Variants in ZNF169 observed in about 807,000 individuals in gnomAD.
ZNF169 encodes zinc finger protein 169.
ZNF169 carries 11 observed loss-of-function variants against 12.0 expected under a neutral mutation model. That is an observed-to-expected ratio of 0.92 (90% confidence interval 0.58 to 1.52). The LOEUF is 1.52. Among genes scored for constraint, ZNF169 ranks in the 40% most tolerant of loss-of-function variants. The probability of loss-of-function intolerance (pLI) is 0.00; values close to 1 mark genes in which losing one functional copy is unlikely to be tolerated. For synonymous variants in ZNF169, 302 were observed against 286.5 expected (o/e 1.05, Z -0.55); for missense variants, 722 against 744.0 (o/e 0.97, Z 0.34).
At chr9:94,278,683 T>C in intron 1 of ZNF169, 75 bp from the exon 2 acceptor site, 1 of 790,352 alleles carries the variant, frequency 1.3e-6, no homozygotes, top group Non-Finnish European at 2.1e-6. Flanking sequence ...TACTCCCTAC[T>C]GAATTGGGAG....
chr9:94,282,494 G>A (rs1220288707), intron 2 of ZNF169, among the ~76,000 whole-genome samples: 1 of 152,208 alleles, frequency 6.6e-6, no homozygotes, highest in Non-Finnish European at 1.5e-5. Context: ...AGATACGTGA[G>A]AGGGACAGTT....
chr9:94,273,584 T>C (rs1461375410), intron 1 of ZNF169, among the ~76,000 whole-genome samples: 2 of 145,754 alleles, frequency 1.4e-5, no homozygotes, highest in African/African-American at 2.5e-5. Flanking sequence ...TCTTTCTTTT[T>C]TTTTTTTTTT....
At chr9:94,289,392 C>T (rs902241174) in intron 2 of ZNF169, among the ~76,000 whole-genome samples, 10 of 152,062 alleles carry the variant, frequency 6.6e-5, no homozygotes, top group African/African-American at 2.4e-4. Flanking sequence ...GAGTGAGATC[C>T]TGCCTCATAA....
At chr9:94,261,304 T>G (rs796624382) in intron 1 of ZNF169, among the ~76,000 whole-genome samples, 6 of 152,230 alleles carry the variant, frequency 3.9e-5, no homozygotes, top group African/African-American at 1.4e-4. Flanking sequence ...ATTTCAGGCG[T>G]GAGCCACCGC....
At chr9:94,292,953 G>GTT (rs553380725) in intron 3 of ZNF169, 21 bp from the exon 4 acceptor site, 1 of 1,557,558 alleles carries the variant, frequency 6.4e-7, no homozygotes, top group Non-Finnish European at 8.8e-7. Context: ...GATCACCTTG[G>GTT]TTTTTTTTTC....
chr9:94,300,196 T>C lies in ZNF169; in HGVS notation c.638T>C (p.Ile213Thr), dbSNP rs566392862. The C allele has an allele frequency of 2.7e-5, 44 of 1,614,182 alleles. No individual in the cohort carries two copies. Among genetic ancestry groups the C allele is most frequent in the African/African-American group, 5.3e-5 (4 of 75,046 alleles). ...GADTSESGAV[I>T]RGNYRLGLSK... Reference sequence around the variant, plus strand: ...GACACTTCAGAATCTGGAGCAGTCATACGTGGAAACTATAGACTGGGACTT... The same window carrying C: ...GACACTTCAGAATCTGGAGCAGTCACACGTGGAAACTATAGACTGGGACTT... Residue 213 changes from isoleucine (I) to threonine (T), a missense_variant, in exon 5 of 5, where the codon ATA (isoleucine) becomes ACA (threonine). Ile to Thr is a moderately conservative substitution (Grantham distance 89). Coordinates refer to ENST00000395395, the MANE Select transcript of ZNF169 (RefSeq NM_194320.4).
chr9:94,281,532 G>A (rs982139598), intron 2 of ZNF169, among the ~76,000 whole-genome samples: 4 of 152,180 alleles, frequency 2.6e-5, no homozygotes, highest in African/African-American at 9.7e-5. Flanking sequence ...AACGAAAAGA[G>A]TCTAACTCTG....
chr9:94,260,867 C>A (rs11795317), intron 1 of ZNF169, among the ~76,000 whole-genome samples: 2 of 114,474 alleles, frequency 1.7e-5, no homozygotes, highest in African/African-American at 3.2e-5. Flanking sequence ...GTCGCCCAGG[C>A]TGGAGTGCAG....
At chr9:94,272,224 C>T (rs1304266388) in intron 1 of ZNF169, among the ~76,000 whole-genome samples, 1 of 151,448 alleles carries the variant, frequency 6.6e-6, no homozygotes, top group Non-Finnish European at 1.5e-5. Flanking sequence ...ATCATTTTTC[C>T]TAGGGGTTTA....
At chr9:94,259,429 A>G (rs991499973) in intron 1 of ZNF169, 84 bp downstream of exon 1, 10 of 152,498 alleles carry the variant, frequency 6.6e-5, no homozygotes, top group African/African-American at 2.4e-4. Flanking sequence ...GAAGGTCGGG[A>G]AAGCTGGCAT....
intron 1 of ZNF169, among the ~76,000 whole-genome samples, chr9:94,273,319 A>ATT (rs138764114): frequency 1.9e-4 from 28 of 146,662 alleles, no homozygotes; most frequent in Middle Eastern, 3.5e-3. Flanking sequence ...GCTTTTTCCT[A>ATT]TTTTTTTTTT....
intron 2 of ZNF169, 62 bp downstream of exon 2, chr9:94,278,907 A>C: frequency 6.4e-7 from 1 of 1,573,974 alleles, no homozygotes; most frequent in South Asian, 1.1e-5. Flanking sequence ...TCTTGTCCTG[A>C]AGGCTGCCTT....
Position 94,301,514 on chromosome 9 carries a change from A to G in ZNF169, c.*144A>G, listed in dbSNP as rs1831078773. On this transcript the variant is annotated 3_prime_UTR_variant, in exon 5 of 5. Transcript: ENST00000395395. ...TTTTTGGTTTACTTTCTATATTCACAATTTGTCTTGGCTTGCTAGGGGTTC... is the reference window on the plus strand; with the variant it reads ...TTTTTGGTTTACTTTCTATATTCACGATTTGTCTTGGCTTGCTAGGGGTTC... 10 of 1,415,254 alleles carry G rather than the reference A, an allele frequency of 7.1e-6. No homozygotes were observed. Among genetic ancestry groups the G allele is most frequent in the Admixed American group, 2.9e-5 (1 of 34,236 alleles). The allele number at this position is 1,415,254 out of a possible 1,614,324, so 87.7% of individuals were successfully genotyped here. A position where few individuals can be genotyped will look rare whatever the true frequency, so the allele number is the denominator to read the frequency against.
At chr9:94,263,867 A>C (rs1332517471) in intron 1 of ZNF169, among the ~76,000 whole-genome samples, 3 of 148,880 alleles carry the variant, frequency 2.0e-5, no homozygotes, top group African/African-American at 7.4e-5. Flanking sequence ...ATTTAACTTA[A>C]TTCAATATAA....
rs76378844 is a variant in ZNF169 at position 94,298,282 on chromosome 9, C to T, written c.257-1533C>T. Among the ~76,000 whole-genome samples, 437 of 152,130 alleles carry T rather than the reference C, an allele frequency of 2.9e-3. 2 individuals are homozygous for T. Among genetic ancestry groups the T allele is most frequent in the African/African-American group, 0.01 (425 of 41,500 alleles). Reference sequence around the variant, plus strand: ...AAACTAGCCATGAATAAGAAAATGCCTTATTTTTCTCTTACCAAATGCTTT... The same window carrying T: ...AAACTAGCCATGAATAAGAAAATGCTTTATTTTTCTCTTACCAAATGCTTT... On this transcript the variant is annotated intron_variant, in intron 4 of 4. Transcript: ENST00000395395.
At chr9:94,260,702 G>A (rs950510535) in intron 1 of ZNF169, among the ~76,000 whole-genome samples, 3 of 152,068 alleles carry the variant, frequency 2.0e-5, no homozygotes, top group Admixed American at 2.0e-4. Flanking sequence ...AAGCAGAATG[G>A]TGCCCATAGG....
intron 1 of ZNF169, among the ~76,000 whole-genome samples, chr9:94,273,751 T>C (rs1480255887): frequency 6.6e-6 from 1 of 151,874 alleles, no homozygotes; most frequent in South Asian, 2.1e-4. Context: ...AGCTAATTTT[T>C]TGTATTTTTA....
intron 4 of ZNF169, among the ~76,000 whole-genome samples, chr9:94,298,804 C>T (rs985426436): frequency 6.6e-6 from 1 of 151,496 alleles, no homozygotes; most frequent in Non-Finnish European, 1.5e-5. Flanking sequence ...AAGCTGAAAG[C>T]ACTGCCAATT....
At chr9:94,277,700 G>A (rs1316963333) in intron 1 of ZNF169, among the ~76,000 whole-genome samples, 1 of 152,008 alleles carries the variant, frequency 6.6e-6, no homozygotes, top group Non-Finnish European at 1.5e-5. Flanking sequence ...GGGAGGCCGA[G>A]GCGGGCGGAT....
Sources: allele counts gnomAD v4.1 joint callset (sites outside exome capture counted in the v4.1 genomes callset), GRCh38; gene constraint gnomAD v4.1.1; transcripts MANE v1.5; gene names NCBI Gene and HGNC (gene_info 2026-07-23, HGNC 2026-07-21).